Variants in RP1 observed in about 807,000 individuals in gnomAD.
RP1 encodes the protein oxygen-regulated protein 1.
In RP1, 16 loss-of-function variants were observed where a neutral mutation model predicts 14.8. That is an observed-to-expected ratio of 1.08 (90% CI 0.73 to 1.65). The LOEUF is 1.65. Among genes scored for constraint, RP1 ranks in the 40% most tolerant of loss-of-function variants. The pLI is 0.00. For synonymous variants in RP1, 876 were observed against 883.6 expected (o/e 0.99, Z 0.15); for missense variants, 2,631 against 2,535.0 (o/e 1.04, Z -0.81).
At chr8:54,649,764 C>A (rs1376428155) in intron 4 of RP1, among the ~76,000 whole-genome samples, 2 of 152,152 alleles carry the variant, frequency 1.3e-5, no homozygotes, top group Admixed American at 1.3e-4. Flanking sequence ...CAGGTGGAGA[C>A]AGAGTAAAAT....
chr8:54,839,709 G>C (rs1269797672), intron 25 of RP1, among the ~76,000 whole-genome samples: 2 of 151,998 alleles, frequency 1.3e-5, no homozygotes, highest in East Asian at 3.9e-4. Flanking sequence ...ATCCCAGCTG[G>C]TACTCCATCC....
intron 19 of RP1, among the ~76,000 whole-genome samples, chr8:54,742,114 T>C (rs996668931): frequency 2.6e-5 from 4 of 152,110 alleles, no homozygotes; most frequent in Non-Finnish European, 5.9e-5. Flanking sequence ...TTTTCAAAAA[T>C]AGATGGTAAT....
At chr8:54,726,624 T>G (rs1241832880) in intron 17 of RP1, 5 of 661,858 alleles carry the variant, frequency 7.6e-6, no homozygotes, top group Non-Finnish European at 1.1e-5. Flanking sequence ...TCTTGCTTTT[T>G]TATGCCTTAA....
intron 12 of RP1, among the ~76,000 whole-genome samples, chr8:54,683,084 G>A (rs1807474992): frequency 6.6e-6 from 1 of 152,104 alleles, no homozygotes; most frequent in Admixed American, 6.6e-5. Flanking sequence ...GTTTTTGTCA[G>A]GTTAGTCAAA....
intron 15 of RP1, among the ~76,000 whole-genome samples, chr8:54,708,784 T>C (rs1482658001): frequency 6.6e-6 from 1 of 152,116 alleles, no homozygotes; most frequent in Non-Finnish European, 1.5e-5. Flanking sequence ...CTCTGTAAGT[T>C]TTTAGCAGAA....
At position 54,847,577 on chromosome 8, in the gene RP1, C is replaced by G. The variant is rs74777263; in HGVS notation, c.3836-4997C>G. 6.2e-4 allele frequency among the ~76,000 whole-genome samples: 95 copies of G among 152,324 alleles called. 1 individual carries two copies. The East Asian group carries it at 0.015, about 23-fold the overall frequency. On this transcript the variant is annotated intron_variant, in intron 25 of 28. Coordinates refer to the RP1 transcript ENST00000637698. ...CGATCTTTCCACTGGCTCTCTGAGACGAGGCCATCCAGGCCATAGGCAGCA... is the reference window on the plus strand; with the variant it reads ...CGATCTTTCCACTGGCTCTCTGAGAGGAGGCCATCCAGGCCATAGGCAGCA...
intron 12 of RP1, among the ~76,000 whole-genome samples, chr8:54,681,375 G>T (rs1807423824): frequency 6.6e-6 from 1 of 152,004 alleles, no homozygotes; most frequent in South Asian, 2.1e-4. Context: ...GCAGTATCAT[G>T]ATGTGAGGTC....
intron 23 of RP1, among the ~76,000 whole-genome samples, chr8:54,776,951 C>G (rs899625687): frequency 1.5e-4 from 23 of 152,294 alleles, no homozygotes; most frequent in Admixed American, 1.3e-3. Flanking sequence ...GTGTTGAGTG[C>G]TCTGGTTAGC....
chr8:54,628,472 G>A lies in RP1; in HGVS notation c.4590G>A (p.Lys1530=). 6.2e-7 allele frequency: 1 copy of A among 1,613,584 alleles called. No homozygotes were observed. The highest frequency in any genetic ancestry group is 8.5e-7 in the Non-Finnish European group (1 of 1,179,818). The change falls in exon 4 of 4, where the codon AAG becomes AAA. Residue 1530 remains lysine, a synonymous_variant. Coordinates refer to ENST00000220676, the MANE Select transcript of RP1 (RefSeq NM_006269.2). The part of the protein sequence containing the change: ...MNGIIYEIIS[K]RLATPPSLDF... The stretch of plus-strand genomic sequence containing the variant: ...GTATAATTTATGAAATAATCAGTAA[G>A]AGGCTGGCAACACCACCATCTTTAG...
intron 24 of RP1, among the ~76,000 whole-genome samples, chr8:54,826,913 TG>T (rs1281406143): frequency 1.3e-5 from 2 of 152,244 alleles, no homozygotes; most frequent in Non-Finnish European, 2.9e-5. Context: ...CTATGCTATA[TG>T]GGATTGCCTA....
At chr8:54,680,074 C>T in intron 12 of RP1, 1 of 1,117,348 alleles carries the variant, frequency 8.9e-7, no homozygotes, top group Non-Finnish European at 1.2e-6. Flanking sequence ...AAATAATTTA[C>T]TATCTGTATT....
intron 27 of RP1, among the ~76,000 whole-genome samples, chr8:54,861,062 G>C (rs1019214161): frequency 6.6e-6 from 1 of 152,182 alleles, no homozygotes; most frequent in Non-Finnish European, 1.5e-5. Flanking sequence ...GTTCTTTAAT[G>C]AAACTACCCT....
At chr8:54,791,402 G>C (rs888635875) in intron 24 of RP1, among the ~76,000 whole-genome samples, 1 of 152,068 alleles carries the variant, frequency 6.6e-6, no homozygotes, top group African/African-American at 2.4e-5. Flanking sequence ...ATGAATATAT[G>C]AAACTTGTTG....
chr8:54,708,892 C>T (rs1000525022), intron 15 of RP1, among the ~76,000 whole-genome samples: 4 of 152,232 alleles, frequency 2.6e-5, no homozygotes, highest in Middle Eastern at 3.4e-3. Flanking sequence ...GGAAGAAGTC[C>T]TTGGCATTCA....
chr8:54,825,501 A>G (rs978412784), intron 24 of RP1, among the ~76,000 whole-genome samples: 1 of 152,220 alleles, frequency 6.6e-6, no homozygotes, highest in Non-Finnish European at 1.5e-5. Context: ...TTAATATGTG[A>G]AAAACCTCGT....
chr8:54,850,735 A>C (rs559717473), intron 25 of RP1, among the ~76,000 whole-genome samples: 104 of 152,368 alleles, frequency 6.8e-4, no homozygotes, highest in Middle Eastern at 3.4e-3. Flanking sequence ...AAAAAGTCTG[A>C]AATAATTTAT....
rs1196210208 is a variant in RP1, at chr8:54,626,480, A to G, written c.2598A>G (p.Leu866=). 4 of 1,613,722 alleles carry G rather than the reference A, an allele frequency of 2.5e-6. No individual in the cohort carries two copies. Among genetic ancestry groups the G allele is most frequent in the Non-Finnish European group, 3.4e-6 (4 of 1,179,916 alleles). ...AAGTTACTGATTCACACATAACTTTAAAAAGCCAGAAAAAACGTAAAGGGG... is the reference window on the plus strand; with the variant it reads ...AAGTTACTGATTCACACATAACTTTGAAAAGCCAGAAAAAACGTAAAGGGG... ...VSKVTDSHIT[L]KSQKKRKGDK... The change falls in exon 4 of 4, where the codon TTA becomes TTG. Residue 866 remains leucine (L), a synonymous_variant. Transcript: ENST00000220676.
At chr8:54,831,979 C>A (rs761793098) in intron 24 of RP1, among the ~76,000 whole-genome samples, 1 of 151,674 alleles carries the variant, frequency 6.6e-6, no homozygotes. Context: ...GATGCTTTAT[C>A]GTATTCTGGC....
At chr8:54,865,637 C>T (rs1445639018) in intron 27 of RP1, among the ~76,000 whole-genome samples, 2 of 151,422 alleles carry the variant, frequency 1.3e-5, no homozygotes, top group East Asian at 3.9e-4. Flanking sequence ...TTCTCTTGTC[C>T]TCTGCTTCTA....
Sources: gnomAD v4.1 joint callset for allele counts (sites outside exome capture counted in the v4.1 genomes callset) on GRCh38, gnomAD v4.1.1 for gene constraint, MANE v1.5 for transcripts, NCBI Gene and HGNC (gene_info 2026-07-23, HGNC 2026-07-21) for gene names.